Variants in ARMC8 observed in about 807,000 individuals in gnomAD.
ARMC8 encodes the protein armadillo repeat-containing protein 8.
In ARMC8, 20 loss-of-function variants were observed where a neutral mutation model predicts 99.3. That is an observed-to-expected ratio of 0.20 (90% CI 0.14 to 0.29). The LOEUF is 0.29. ARMC8 is among the 10% of genes least tolerant of loss of function. The pLI is 1.00. For missense variants in ARMC8, 569 were observed against 809.5 expected (o/e 0.70, Z 3.60); for synonymous variants, 263 against 278.3 (o/e 0.95, Z 0.55).
intron 7 of ARMC8, among the ~76,000 whole-genome samples, chr3:138,235,456 CTTTA>C (rs1371473610): frequency 1.3e-5 from 2 of 152,284 alleles, no homozygotes; most frequent in Non-Finnish European, 2.9e-5. Flanking sequence ...TATTTGAGAC[CTTTA>C]TTTAACCACA....
intron 1 of ARMC8, among the ~76,000 whole-genome samples, chr3:138,189,973 C>A (rs868568869): frequency 6.6e-6 from 1 of 152,194 alleles, no homozygotes; most frequent in Non-Finnish European, 1.5e-5. Context: ...CTCCTTTCAT[C>A]CCCCTGTATC....
chr3:138,274,500 A>G lies in ARMC8; in HGVS notation c.1681A>G (p.Thr561Ala), dbSNP rs765855433. The G allele has an allele frequency of 3.7e-6, 6 of 1,613,244 alleles. No individual in the cohort carries two copies. The highest frequency in any genetic ancestry group is 5.1e-6 in the Non-Finnish European group (6 of 1,179,328). ...TGGAAAGCAAATTATGCAAGCCGTC[A>G]CTCTTATTCTAGAAGGGGAACATAA... ...THGKQIMQAV[T>A]LILEGEHNIE... The change falls in exon 18 of 22, where the codon ACT (threonine) becomes GCT (alanine). Residue 561 changes from threonine to alanine, a missense_variant. Around this residue, in one of 2 missense-constraint regions of ARMC8, gnomAD observed 227 missense variants for 417.9 expected, o/e 0.54. Transcript: ENST00000469044.
intron 1 of ARMC8, among the ~76,000 whole-genome samples, chr3:138,193,415 C>G (rs147213725): frequency 1.4e-4 from 22 of 152,020 alleles, no homozygotes; most frequent in Non-Finnish European, 2.6e-4. Flanking sequence ...CGTGTGCCAC[C>G]GCGCCCAGCT....
At chr3:138,208,238 C>T (rs932263375) in intron 1 of ARMC8, among the ~76,000 whole-genome samples, 6 of 152,068 alleles carry the variant, frequency 3.9e-5, no homozygotes, top group South Asian at 2.1e-4. Flanking sequence ...GAGGCCAAGG[C>T]GGGCGGATCA....
In ARMC8 at chr3:138,237,534, G is replaced by T; in HGVS notation, c.738G>T (p.Arg246Ser). ...AGATTTTTGTGAAGATGTTACAGAG[G>T]GATAAGCCTATTGAGATGCAGCTCA... ...LPQIFVKMLQ[R>S]DKPIEMQLTS... is the part of the protein sequence containing the mutation. Residue 246 changes from arginine to serine, a missense_variant, in exon 9 of 22, where the codon AGG becomes AGT. Transcript: ENST00000469044. 1 of 1,613,610 alleles carries T rather than the reference G, an allele frequency of 6.2e-7. No individual in the cohort carries two copies. The highest frequency in any genetic ancestry group is 8.5e-7 in the Non-Finnish European group (1 of 1,179,964).
intron 2 of ARMC8, 55 bp from the exon 3 acceptor site, chr3:138,221,871 G>A (rs1410010026): frequency 7.4e-7 from 1 of 1,359,026 alleles, no homozygotes; most frequent in African/African-American, 1.4e-5. Flanking sequence ...AATGATCTTT[G>A]ATTTTTCTTC....
At chr3:138,222,785 G>A (rs933430866) in intron 3 of ARMC8, among the ~76,000 whole-genome samples, 2 of 152,166 alleles carry the variant, frequency 1.3e-5, no homozygotes, top group African/African-American at 2.4e-5. Flanking sequence ...TGAGGGTCCT[G>A]TCTTAGAACA....
chr3:138,250,005 G>T (rs2047050845), intron 12 of ARMC8, among the ~76,000 whole-genome samples: 1 of 152,046 alleles, frequency 6.6e-6, no homozygotes, highest in Non-Finnish European at 1.5e-5. Flanking sequence ...TTCAAGAATT[G>T]AAAACATGAA....
At chr3:138,204,646 A>G (rs1200279543) in intron 1 of ARMC8, among the ~76,000 whole-genome samples, 1 of 152,210 alleles carries the variant, frequency 6.6e-6, no homozygotes, top group Admixed American at 6.5e-5. Context: ...TCCAAAGGTT[A>G]GATCTTAATT....
At chr3:138,257,655 G>A (rs896292381) in intron 12 of ARMC8, among the ~76,000 whole-genome samples, 1 of 151,832 alleles carries the variant, frequency 6.6e-6, no homozygotes, top group African/African-American at 2.4e-5. Flanking sequence ...TGGGTTTATA[G>A]TGCTCATTTC....
intron 1 of ARMC8, among the ~76,000 whole-genome samples, chr3:138,196,482 A>G (rs1039717750): frequency 6.6e-6 from 1 of 152,180 alleles, no homozygotes; most frequent in Admixed American, 6.5e-5. Context: ...ATATGCCTAA[A>G]TAGTTGCATA....
At chr3:138,291,642 G>T (rs549595084) in intron 21 of ARMC8, among the ~76,000 whole-genome samples, 72 of 152,320 alleles carry the variant, frequency 4.7e-4, no homozygotes, top group African/African-American at 1.5e-3. Flanking sequence ...CAAGGTGAAG[G>T]AATGGAGAAT....
intron 1 of ARMC8, among the ~76,000 whole-genome samples, chr3:138,191,936 T>C (rs2043408732): frequency 6.6e-6 from 1 of 152,362 alleles, no homozygotes; most frequent in East Asian, 1.9e-4. Context: ...AGTTTTTGGC[T>C]ATTATAACGT....
At position 138,288,281 on chromosome 3, in the gene ARMC8, A is replaced by G. The variant is rs74440903; in HGVS notation, c.1822-767A>G. Among the ~76,000 whole-genome samples the G allele has an allele frequency of 2.8e-3, 433 of 152,326 alleles. 2 individuals are homozygous for G. The highest frequency in any genetic ancestry group is 3.9e-3 in the Non-Finnish European group (265 of 68,014). ...GGAATTATTGGGCCATTTGAATAAG[A>G]TAACCAGTAGCTTAAGAGATAAATA... On this transcript the variant is annotated intron_variant, in intron 19 of 21. Transcript: ENST00000469044.
intron 12 of ARMC8, among the ~76,000 whole-genome samples, chr3:138,258,216 A>AC (rs1415091562): frequency 6.6e-6 from 1 of 152,174 alleles, no homozygotes; most frequent in Non-Finnish European, 1.5e-5. Flanking sequence ...CACCACTGAG[A>AC]ATCTACCTGG....
chr3:138,275,934 A>C (rs1305308642), intron 18 of ARMC8, among the ~76,000 whole-genome samples: 1 of 152,242 alleles, frequency 6.6e-6, no homozygotes, highest in Non-Finnish European at 1.5e-5. Flanking sequence ...AATGAAATCC[A>C]TTACTGAAAC....
At chr3:138,236,980 CCA>C (rs2108153079) in intron 7 of ARMC8, among the ~76,000 whole-genome samples, 1 of 152,246 alleles carries the variant, frequency 6.6e-6, no homozygotes, top group East Asian at 1.9e-4. Flanking sequence ...GCTTTGAAAG[CCA>C]CTTGGTAATT....
At chr3:138,269,906 CT>C (rs2048631032) in intron 15 of ARMC8, 133 bp from the exon 16 acceptor site, 2 of 286,264 alleles carry the variant, frequency 7.0e-6, no homozygotes, top group Non-Finnish European at 1.3e-5. Context: ...GGCTACATCA[CT>C]CCCTGCTTTG....
At chr3:138,240,053 A>G (rs1169976826) in intron 10 of ARMC8, among the ~76,000 whole-genome samples, 1 of 152,180 alleles carries the variant, frequency 6.6e-6, no homozygotes, top group Non-Finnish European at 1.5e-5. Context: ...TAAAAGTCCT[A>G]AAACCTGGAT....
Sources: gnomAD v4.1 joint callset for allele counts (sites outside exome capture counted in the v4.1 genomes callset) on GRCh38, gnomAD v4.1.1 for gene constraint, gnomAD v4.1.1 regional missense constraint, MANE v1.5 for transcripts, NCBI Gene and HGNC (gene_info 2026-07-23, HGNC 2026-07-21) for gene names.